The following LRRTM4 variants were observed in gnomAD, a reference collection of about 807,000 sequenced individuals.
LRRTM4 encodes the protein leucine-rich repeat transmembrane neuronal protein 4.
LRRTM4 carries 25 observed loss-of-function variants against 47.6 expected under a neutral mutation model. That is an observed-to-expected ratio of 0.53 (90% CI 0.38 to 0.73). The LOEUF is 0.73. Among genes scored for constraint, LRRTM4 ranks in the 30% least tolerant of loss-of-function variants. The pLI, the probability that LRRTM4 is intolerant of heterozygous loss-of-function variation, is 0.00. For synonymous variants in LRRTM4, 311 were observed against 269.5 expected (o/e 1.15, Z -1.51); for missense variants, 638 against 713.4 (o/e 0.89, Z 1.20).
intron 3 of LRRTM4, among the ~76,000 whole-genome samples, chr2:77,183,448 T>G (rs1049398791): frequency 1.7e-4 from 26 of 152,102 alleles, no homozygotes; most frequent in Non-Finnish European, 3.4e-4. Flanking sequence ...CTGGAGAGGA[T>G]GTGGAGAAAT....
At chr2:77,079,560 G>C (rs1433509899) in intron 3 of LRRTM4, among the ~76,000 whole-genome samples, 3 of 152,176 alleles carry the variant, frequency 2.0e-5, no homozygotes, top group Admixed American at 2.0e-4. Flanking sequence ...GCTAGTGTTA[G>C]TGTATTTGAT....
intron 3 of LRRTM4, among the ~76,000 whole-genome samples, chr2:77,128,570 T>G (rs1382666561): frequency 6.6e-6 from 1 of 152,148 alleles, no homozygotes; most frequent in Non-Finnish European, 1.5e-5. Flanking sequence ...ATACAAAATC[T>G]TTCCAACCCT....
At chr2:76,847,276 G>C (rs1037795782) in intron 3 of LRRTM4, among the ~76,000 whole-genome samples, 1 of 152,132 alleles carries the variant, frequency 6.6e-6, no homozygotes, top group African/African-American at 2.4e-5. Flanking sequence ...AATTCTGCTA[G>C]ACTTAATGTT....
chr2:76,835,843 T>C (rs1243964898), intron 3 of LRRTM4, among the ~76,000 whole-genome samples: 2 of 151,912 alleles, frequency 1.3e-5, no homozygotes, highest in African/African-American at 4.8e-5. Context: ...TATCAGAAAA[T>C]AGATTATGAA....
intron 3 of LRRTM4, among the ~76,000 whole-genome samples, chr2:77,168,415 T>A (rs570778023): frequency 7.2e-5 from 11 of 152,236 alleles, no homozygotes; most frequent in African/African-American, 2.4e-4. Flanking sequence ...TTTTGTTAGC[T>A]GCTTTCTTAT....
chr2:77,518,219 C>G (rs1679299763), intron 3 of LRRTM4, 99 bp downstream of exon 3: 1 of 1,392,922 alleles, frequency 7.2e-7, no homozygotes, highest in East Asian at 2.6e-5. Context: ...GCAAAAGGGT[C>G]ATTAATCTTT....
chr2:76,797,894 T>G (rs1675435605), intron 3 of LRRTM4, among the ~76,000 whole-genome samples: 1 of 151,486 alleles, frequency 6.6e-6, no homozygotes. Context: ...GGTAAAGGGA[T>G]CAATTCAACA....
chr2:77,089,399 T>C (rs1024678137), intron 3 of LRRTM4, among the ~76,000 whole-genome samples: 1 of 151,760 alleles, frequency 6.6e-6, no homozygotes, highest in Non-Finnish European at 1.5e-5. Flanking sequence ...CAACCTCTTA[T>C]ATCTCTGTGC....
rs1025821402 is a variant in LRRTM4 at position 76,800,140 on chromosome 2, G to C, written c.1552-51224C>G. Reference sequence around the variant, plus strand: ...ATGGAACCAAAAAAGAGCCCGCATCGCCAAGTCAATCCTAAGCCAAAAGAA... The same window carrying C: ...ATGGAACCAAAAAAGAGCCCGCATCCCCAAGTCAATCCTAAGCCAAAAGAA... On this transcript the variant is annotated intron_variant, in intron 3 of 3. Coordinates refer to ENST00000409884, the MANE Select transcript of LRRTM4 (RefSeq NM_001134745.3). Among the ~76,000 whole-genome samples the C allele has an allele frequency of 3.5e-3, 512 of 147,732 alleles. 4 individuals carry two copies. Among genetic ancestry groups the C allele is most frequent in the African/African-American group, 0.011 (435 of 39,428 alleles).
At chr2:77,427,986 A>T (rs935273806) in intron 3 of LRRTM4, among the ~76,000 whole-genome samples, 1 of 152,168 alleles carries the variant, frequency 6.6e-6, no homozygotes, top group African/African-American at 2.4e-5. Context: ...CCCAGTGGGA[A>T]GTAATTGAAC....
intron 3 of LRRTM4, among the ~76,000 whole-genome samples, chr2:77,086,749 C>A (rs1301219329): frequency 6.6e-6 from 1 of 152,102 alleles, no homozygotes; most frequent in Admixed American, 6.5e-5. Flanking sequence ...GCTGCCACAG[C>A]CTCCCAAAGT....
chr2:77,062,839 A>C (rs1051509333), intron 3 of LRRTM4, among the ~76,000 whole-genome samples: 1 of 152,226 alleles, frequency 6.6e-6, no homozygotes, highest in African/African-American at 2.4e-5. Context: ...GTACAGATGC[A>C]GGATAGTAGA....
chr2:77,079,906 A>G (rs1327084477), intron 3 of LRRTM4, among the ~76,000 whole-genome samples: 2 of 151,996 alleles, frequency 1.3e-5, no homozygotes, highest in Non-Finnish European at 2.9e-5. Flanking sequence ...TTAATTTTAT[A>G]TATACATTTT....
chr2:76,940,282 A>C lies in LRRTM4; in HGVS notation c.1552-191366T>G, dbSNP rs117255808. 4.3e-3 allele frequency among the ~76,000 whole-genome samples: 658 copies of C among 152,324 alleles called. 24 individuals are homozygous for C. In the South Asian group the frequency reaches 0.068, roughly 16 times the overall value. On this transcript the variant is annotated intron_variant, in intron 3 of 3. Transcript: ENST00000409884. Reference sequence around the variant, plus strand: ...AGGATGGATGAAGAAAATGTGGTACATGTACACCAAGGAACATGCAGACAT... The same window carrying C: ...AGGATGGATGAAGAAAATGTGGTACCTGTACACCAAGGAACATGCAGACAT...
chr2:77,484,886 G>A (rs1677850532), intron 3 of LRRTM4, among the ~76,000 whole-genome samples: 1 of 152,096 alleles, frequency 6.6e-6, no homozygotes, highest in Non-Finnish European at 1.5e-5. Context: ...AGCACAAAGA[G>A]AAGTTAATAG....
intron 3 of LRRTM4, among the ~76,000 whole-genome samples, chr2:77,477,878 A>G (rs959173026): frequency 2.8e-5 from 4 of 143,100 alleles, no homozygotes; most frequent in Non-Finnish European, 6.1e-5. Flanking sequence ...AGAAAGAAAG[A>G]AAGAGAAAGA....
intron 3 of LRRTM4, among the ~76,000 whole-genome samples, chr2:77,402,347 T>C (rs1378142784): frequency 6.6e-6 from 1 of 151,798 alleles, no homozygotes; most frequent in Non-Finnish European, 1.5e-5. Context: ...GGGGGTTTCA[T>C]TATGTTGCCC....
chr2:76,874,463 A>T (rs1398332933), intron 3 of LRRTM4, among the ~76,000 whole-genome samples: 2 of 152,032 alleles, frequency 1.3e-5, no homozygotes, highest in African/African-American at 2.4e-5. Context: ...ATATTCAGTA[A>T]TTGAATAACT....
chr2:77,340,403 G>A (rs972098689), intron 3 of LRRTM4, among the ~76,000 whole-genome samples: 2 of 151,888 alleles, frequency 1.3e-5, no homozygotes, highest in African/African-American at 2.4e-5. Flanking sequence ...CTGCTATAAA[G>A]ATTACATGAC....
Sources: allele counts gnomAD v4.1 joint callset (sites outside exome capture counted in the v4.1 genomes callset), GRCh38; gene constraint gnomAD v4.1.1; transcripts MANE v1.5; gene names NCBI Gene and HGNC (gene_info 2026-07-23, HGNC 2026-07-21).